Variants in LIPC observed in about 807,000 individuals in gnomAD.
LIPC encodes the protein lipase C, hepatic type.
LIPC carries 44 observed loss-of-function variants against 50.7 expected under a neutral mutation model. The observed-to-expected ratio is 0.87, with a 90% CI of 0.68 to 1.11. The LOEUF is 1.11. Ranked by LOEUF, LIPC falls within the 50% of genes most tolerant of loss-of-function variation. The probability of loss-of-function intolerance (pLI) is 0.00; values close to 1 mark genes in which losing one functional copy is unlikely to be tolerated. For missense variants in LIPC, 697 were observed against 648.2 expected, an observed-to-expected ratio of 1.08 and a Z score of -0.82; for synonymous variants, 271 against 256.4, an observed-to-expected ratio of 1.06 and a Z score of -0.54.
At chr15:58,466,801 C>T (rs1222792653) in intron 1 of LIPC, among the ~76,000 whole-genome samples, 1 of 152,202 alleles carries the variant, frequency 6.6e-6, no homozygotes, top group Non-Finnish European at 1.5e-5. Context: ...ACATGGTTTC[C>T]TTCTTCTCTT....
At chr15:58,456,238 T>C (rs1446478347) in intron 1 of LIPC, 1 of 151,482 alleles carries the variant, frequency 6.6e-6, no homozygotes, top group Admixed American at 6.6e-5. Flanking sequence ...GGAAACATGC[T>C]ATGAGATCAA....
chr15:58,462,703 G>C (rs764638489), intron 1 of LIPC, among the ~76,000 whole-genome samples: 1 of 152,152 alleles, frequency 6.6e-6, no homozygotes, highest in Non-Finnish European at 1.5e-5. Flanking sequence ...CACAGCCCTT[G>C]ACTTCCTCCT....
intron 1 of LIPC, among the ~76,000 whole-genome samples, chr15:58,516,434 T>G (rs1892492215): frequency 6.6e-6 from 1 of 152,106 alleles, no homozygotes; most frequent in Admixed American, 6.6e-5. Context: ...GTCCCCTTTC[T>G]TGTCTCCTTT....
chr15:58,519,753 G>C (rs917077789), intron 1 of LIPC, among the ~76,000 whole-genome samples: 1 of 152,172 alleles, frequency 6.6e-6, no homozygotes, highest in East Asian at 1.9e-4. Flanking sequence ...TGTCTCCTCC[G>C]GAGTTATTCT....
At chr15:58,502,076 T>G (rs1401516169) in intron 1 of LIPC, among the ~76,000 whole-genome samples, 1 of 152,136 alleles carries the variant, frequency 6.6e-6, no homozygotes, top group Admixed American at 6.5e-5. Context: ...GAAGGTGATT[T>G]AGTGACCAGA....
rs578174336 is a variant in LIPC, at chr15:58,476,912, G to A, written c.88+44792G>A. Among the ~76,000 whole-genome samples the A allele has an allele frequency of 1.1e-3, 161 of 152,324 alleles. 2 individuals carry two copies. The South Asian group carries it at 0.031, about 30-fold the overall frequency. On this transcript the variant is annotated intron_variant, in intron 1 of 8. Coordinates refer to ENST00000299022, the MANE Select transcript of LIPC (RefSeq NM_000236.3). ...CTGTGCGTTTCTGTCGGATTGCCCT[G>A]TACCCAGGGCACGTCCTGCTCTCTG...
rs1227308838 is a variant in LIPC, at chr15:58,538,346, A to G, written c.102A>G (p.Arg34=). The G allele has an allele frequency of 2.5e-6, 4 of 1,614,102 alleles. No homozygotes were observed. The highest frequency in any genetic ancestry group is 3.4e-6 in the Non-Finnish European group (4 of 1,180,028). The change falls in exon 2 of 9, where the codon AGA becomes AGG. Residue 34 remains arginine, a synonymous_variant. Coordinates refer to ENST00000299022, the MANE Select transcript of LIPC (RefSeq NM_000236.3). The part of the protein sequence containing the change: ...GQSLKPEPFG[R]RAQAVETNKT... ...CTTATATTGCAGAGCCATTTGGAAG[A>G]AGAGCTCAAGCTGTTGAAACAAACA...
intron 1 of LIPC, among the ~76,000 whole-genome samples, chr15:58,480,194 G>A (rs1208306142): frequency 6.6e-6 from 1 of 152,156 alleles, no homozygotes; most frequent in African/African-American, 2.4e-5. Flanking sequence ...TGCTTTGTCT[G>A]AGAAACCTTC....
chr15:58,452,723 G>A (rs1442607134), intron 1 of LIPC, among the ~76,000 whole-genome samples: 1 of 152,020 alleles, frequency 6.6e-6, no homozygotes, highest in African/African-American at 2.4e-5. Context: ...CGTGGGGTAG[G>A]GTGGAGTGGG....
In LIPC at chr15:58,538,095, T is replaced by C. The variant is rs117718554; in HGVS notation, c.89-238T>C. Among the ~76,000 whole-genome samples, 25 of 152,278 alleles carry C rather than the reference T, an allele frequency of 1.6e-4. No homozygotes were observed. In the East Asian group the frequency reaches 4.8e-3, roughly 29 times the overall value. On this transcript the variant is annotated intron_variant, in intron 1 of 8. Transcript: ENST00000299022. ...GTGACTCTAGTGCTTGATTGGCTGG[T>C]CACTGGGATAACAGGCTAGAGGATC...
chr15:58,561,409 T>C (rs577915402), intron 7 of LIPC, among the ~76,000 whole-genome samples: 2 of 129,916 alleles, frequency 1.5e-5, no homozygotes, highest in East Asian at 2.3e-4. Flanking sequence ...TCTAAAGATC[T>C]AGAATCAATA....
intron 1 of LIPC, among the ~76,000 whole-genome samples, chr15:58,448,509 G>T (rs1893781185): frequency 6.6e-6 from 1 of 152,246 alleles, no homozygotes; most frequent in South Asian, 2.1e-4. Context: ...TCCCTCCCTG[G>T]GGAGGAGACC....
At chr15:58,524,390 G>A (rs1892742287) in intron 1 of LIPC, among the ~76,000 whole-genome samples, 1 of 152,236 alleles carries the variant, frequency 6.6e-6, no homozygotes. Flanking sequence ...AGACAATCCT[G>A]CAATGAATGA....
chr15:58,568,642 T>G, intron 8 of LIPC, 74 bp from the exon 9 acceptor site: 1 of 867,992 alleles, frequency 1.2e-6, no homozygotes. Context: ...GAGTGAAATT[T>G]GATAAAGAAT....
chr15:58,486,672 G>A (rs1297619396), intron 1 of LIPC, among the ~76,000 whole-genome samples: 3 of 152,156 alleles, frequency 2.0e-5, no homozygotes, highest in Admixed American at 1.3e-4. Context: ...GCAGGCGGAG[G>A]ACATCTACCA....
At chr15:58,472,992 G>A in intron 1 of LIPC, among the ~76,000 whole-genome samples, 1 of 152,162 alleles carries the variant, frequency 6.6e-6, no homozygotes, top group East Asian at 1.9e-4. Flanking sequence ...TGTTAACTTT[G>A]AAAACACTAC....
At chr15:58,471,328 T>TGGGGGG (rs5812938) in intron 1 of LIPC, among the ~76,000 whole-genome samples, 30 of 114,180 alleles carry the variant, frequency 2.6e-4, no homozygotes, top group Middle Eastern at 4.6e-3. Flanking sequence ...TTAGTAGAGA[T>TGGGGGG]GGGGGGGGGT....
At chr15:58,533,513 A>G (rs1209616035) in intron 1 of LIPC, among the ~76,000 whole-genome samples, 1 of 152,256 alleles carries the variant, frequency 6.6e-6, no homozygotes, top group East Asian at 1.9e-4. Flanking sequence ...TACATAAAGA[A>G]TATCATCAGA....
At chr15:58,559,044 A>C (rs1408404989) in intron 6 of LIPC, among the ~76,000 whole-genome samples, 1 of 152,228 alleles carries the variant, frequency 6.6e-6, no homozygotes, top group Non-Finnish European at 1.5e-5. Context: ...ATACCAGGAC[A>C]CTGGAGCTGG....
Sources: allele counts gnomAD v4.1 joint callset (sites outside exome capture counted in the v4.1 genomes callset), GRCh38; gene constraint gnomAD v4.1.1; transcripts MANE v1.5; gene names NCBI Gene and HGNC (gene_info 2026-07-23, HGNC 2026-07-21).